The following MARCHF1 variants were observed in gnomAD, a reference collection of about 807,000 sequenced individuals.
The protein encoded by MARCHF1 is membrane associated ring-CH-type finger 1, also known as E3 ubiquitin-protein ligase MARCHF1.
A neutral mutation model predicts 54.2 loss-of-function variants in MARCHF1; 40 were observed. That is an observed-to-expected ratio of 0.74 (90% CI 0.57 to 0.96). The LOEUF is 0.96. MARCHF1 is among the 40% of genes least tolerant of loss of function. The pLI is 0.00. For synonymous variants in MARCHF1, 236 were observed against 236.3 expected (o/e 1.00, Z 0.01); for missense variants, 586 against 656.5 (o/e 0.89, Z 1.17).
chr4:164,369,903 T>C (rs896594865), intron 1 of MARCHF1, among the ~76,000 whole-genome samples: 2 of 152,210 alleles, frequency 1.3e-5, no homozygotes, highest in Admixed American at 6.5e-5. Context: ...AATCAACATG[T>C]AAAAATCAAC....
At chr4:164,194,967 C>T (rs929261927) in intron 1 of MARCHF1, among the ~76,000 whole-genome samples, 10 of 150,330 alleles carry the variant, frequency 6.7e-5, no homozygotes, top group African/African-American at 2.4e-4. Flanking sequence ...CTCCCCTAGA[C>T]CCCCACCCCC....
In MARCHF1 at chr4:163,589,704, G is replaced by T. The variant is rs376900878; in HGVS notation, c.1011-3775C>A. 2.9e-3 allele frequency among the ~76,000 whole-genome samples: 438 copies of T among 152,114 alleles called. 1 individual carries two copies. The highest frequency in any genetic ancestry group is 4.7e-3 in the Non-Finnish European group (318 of 67,962). On this transcript the variant is annotated intron_variant, in intron 7 of 9. Transcript: ENST00000514618. ...AAAACATAAATATGCCTTTCCAGCC[G>T]AATAATTGTGTAGAGAAATTGATTT...
intron 8 of MARCHF1, chr4:163,583,546 G>A (rs1740297291): frequency 6.6e-6 from 1 of 151,650 alleles, no homozygotes; most frequent in African/African-American, 2.4e-5. Context: ...AATCAAAGAA[G>A]ATATTTTTAG....
At chr4:164,350,634 C>T (rs1175722049) in intron 1 of MARCHF1, among the ~76,000 whole-genome samples, 1 of 152,128 alleles carries the variant, frequency 6.6e-6, no homozygotes, top group Non-Finnish European at 1.5e-5. Context: ...ACAATTATTT[C>T]TTGTCAACTA....
At chr4:164,160,987 C>T (rs1730218620) in intron 1 of MARCHF1, among the ~76,000 whole-genome samples, 2 of 152,042 alleles carry the variant, frequency 1.3e-5, no homozygotes, top group African/African-American at 4.8e-5. Flanking sequence ...GTTTTTGATA[C>T]CAGCACTTTG....
chr4:164,086,597 G>A (rs1755196978), intron 2 of MARCHF1, among the ~76,000 whole-genome samples: 1 of 151,892 alleles, frequency 6.6e-6, no homozygotes, highest in Admixed American at 6.6e-5. Context: ...GTTCAGATTG[G>A]TAGGACCACA....
At chr4:163,778,772 T>C (rs1382530238) in intron 4 of MARCHF1, among the ~76,000 whole-genome samples, 1 of 152,166 alleles carries the variant, frequency 6.6e-6, no homozygotes, top group Non-Finnish European at 1.5e-5. Context: ...CCACATGTTC[T>C]CACTTACAAG....
At chr4:164,061,707 A>C (rs1212546280) in intron 2 of MARCHF1, among the ~76,000 whole-genome samples, 1 of 151,932 alleles carries the variant, frequency 6.6e-6, no homozygotes, top group Non-Finnish European at 1.5e-5. Flanking sequence ...ATTAAAAAAA[A>C]CAACATAAAC....
Position 164,326,050 on chromosome 4 carries a change from A to G in MARCHF1, c.-323+57820T>C, listed in dbSNP as rs1735273216. ...CTTGAAAACATTTCTTAATACTAAA[A>G]TATTCTTTATATTTTTCATTCTAAA... On this transcript the variant is annotated intron_variant, in intron 1 of 9. Transcript: ENST00000514618. Among the ~76,000 whole-genome samples the G allele has an allele frequency of 2.0e-5, 3 of 152,130 alleles. No homozygotes were observed. In the South Asian group the frequency reaches 6.2e-4, roughly 32 times the overall value.
intron 3 of MARCHF1, among the ~76,000 whole-genome samples, chr4:163,946,465 G>A (rs1328619953): frequency 6.6e-6 from 1 of 151,970 alleles, no homozygotes; most frequent in African/African-American, 2.4e-5. Flanking sequence ...TTGGTCTATT[G>A]TATTTTTGCA....
At chr4:164,080,338 ATAGT>A (rs780535250) in intron 2 of MARCHF1, among the ~76,000 whole-genome samples, 9 of 152,220 alleles carry the variant, frequency 5.9e-5, no homozygotes, top group Non-Finnish European at 1.0e-4. Flanking sequence ...AACAAATAAA[ATAGT>A]TAATTTATTT....
At chr4:163,940,830 T>C (rs1048036866) in intron 3 of MARCHF1, among the ~76,000 whole-genome samples, 1 of 152,058 alleles carries the variant, frequency 6.6e-6, no homozygotes, top group Non-Finnish European at 1.5e-5. Context: ...GTGATAAGAG[T>C]TCCTACTTCA....
intron 4 of MARCHF1, among the ~76,000 whole-genome samples, chr4:163,809,140 A>G (rs1748313008): frequency 6.6e-6 from 1 of 152,126 alleles, no homozygotes; most frequent in African/African-American, 2.4e-5. Context: ...ACAATCAACA[A>G]CACACGATTT....
chr4:163,994,297 TGTGTGA>T (rs1379209700), intron 2 of MARCHF1, among the ~76,000 whole-genome samples: 23 of 141,650 alleles, frequency 1.6e-4, no homozygotes, highest in African/African-American at 5.4e-4. Context: ...TGTGTGTGTG[TGTGTGA>T]GTGTGGTGGG....
At chr4:164,213,388 C>T (rs976718688) in intron 1 of MARCHF1, among the ~76,000 whole-genome samples, 8 of 151,758 alleles carry the variant, frequency 5.3e-5, no homozygotes, top group Non-Finnish European at 1.0e-4. Context: ...TGCCTGCCAC[C>T]ATGCCCGGCT....
At chr4:163,993,348 C>T (rs1753004093) in intron 2 of MARCHF1, among the ~76,000 whole-genome samples, 1 of 152,090 alleles carries the variant, frequency 6.6e-6, no homozygotes, top group Non-Finnish European at 1.5e-5. Flanking sequence ...GTGCAAGTAT[C>T]TTGTGTAATT....
At chr4:164,185,247 T>G (rs181677783) in intron 1 of MARCHF1, among the ~76,000 whole-genome samples, 289 of 152,324 alleles carry the variant, frequency 1.9e-3, no homozygotes, top group African/African-American at 6.7e-3. Context: ...ACTACATTAG[T>G]TTTAGCTAAG....
chr4:164,190,401 A>G, intron 1 of MARCHF1: 1 of 486,744 alleles, frequency 2.1e-6, no homozygotes, highest in Non-Finnish European at 3.7e-6. Flanking sequence ...TAGAAAAAAA[A>G]TGAGAGAAGT....
chr4:163,637,080 T>C (rs1271424501), intron 5 of MARCHF1, among the ~76,000 whole-genome samples: 1 of 151,112 alleles, frequency 6.6e-6, no homozygotes, highest in Non-Finnish European at 1.5e-5. Flanking sequence ...CCTTACACCT[T>C]ATACAAAAAT....
Sources: gnomAD v4.1 joint callset for allele counts (sites outside exome capture counted in the v4.1 genomes callset) on GRCh38, gnomAD v4.1.1 for gene constraint, MANE v1.5 for transcripts, NCBI Gene and HGNC (gene_info 2026-07-23, HGNC 2026-07-21) for gene names.